Variants in IQSEC1 observed in about 807,000 individuals in gnomAD.
IQSEC1 encodes the protein IQ motif and SEC7 domain-containing protein 1.
IQSEC1 carries 31 observed loss-of-function variants against 91.0 expected under a neutral mutation model. The ratio of observed to expected loss-of-function variants is 0.34; its 90% CI spans 0.26 to 0.46. The LOEUF is 0.46. IQSEC1 is among the 20% of genes least tolerant of loss of function. The pLI is 1.00. For missense variants in IQSEC1, 1,388 were observed against 1,575.6 expected, an observed-to-expected ratio of 0.88 and a Z score of 2.02; for synonymous variants, 699 against 662.6, an observed-to-expected ratio of 1.05 and a Z score of -0.84.
rs534220207 is a variant in IQSEC1, at chr3:13,204,930, G to A, written c.273-40797C>T. ...ATTCTCCTGCCTCAGCCTCCCGAGCGGCTGGGATTACAGGCGCGCACCACC... is the reference window on the plus strand; with the variant it reads ...ATTCTCCTGCCTCAGCCTCCCGAGCAGCTGGGATTACAGGCGCGCACCACC... On this transcript the variant is annotated intron_variant, in intron 1 of 15. Coordinates refer to the IQSEC1 transcript ENST00000648114. Among the ~76,000 whole-genome samples, 28 of 151,326 alleles carry A rather than the reference G, an allele frequency of 1.9e-4. No homozygotes were observed. The East Asian group carries it at 5.1e-3, about 27-fold the overall frequency.
intron 1 of IQSEC1, among the ~76,000 whole-genome samples, chr3:13,041,534 T>C (rs550938416): frequency 6.6e-6 from 1 of 152,316 alleles, no homozygotes; most frequent in East Asian, 1.9e-4. Context: ...AATTCCCTCC[T>C]CCAGGTCTTT....
intron 1 of IQSEC1, among the ~76,000 whole-genome samples, chr3:13,215,922 C>G (rs958544680): frequency 6.6e-6 from 1 of 152,220 alleles, no homozygotes; most frequent in East Asian, 1.9e-4. Context: ...CCAGAGCAGA[C>G]CAGGCCCGGG....
At chr3:12,968,076 A>C (rs1381804304) in intron 1 of IQSEC1, among the ~76,000 whole-genome samples, 6 of 152,174 alleles carry the variant, frequency 3.9e-5, no homozygotes, top group Non-Finnish European at 2.9e-5. Flanking sequence ...CCCGGGAGCC[A>C]TGTCTTCCTC....
chr3:13,120,239 T>A (rs1706401587), intron 2 of IQSEC1, among the ~76,000 whole-genome samples: 1 of 152,158 alleles, frequency 6.6e-6, no homozygotes, highest in African/African-American at 2.4e-5. Context: ...TCACCCTCCT[T>A]ACTTCTCTGG....
chr3:12,998,802 G>A (rs538305027), intron 1 of IQSEC1, among the ~76,000 whole-genome samples: 46 of 152,196 alleles, frequency 3.0e-4, no homozygotes, highest in Non-Finnish European at 6.0e-4. Context: ...GTGAACTGTG[G>A]AGACAGTGGG....
intron 1 of IQSEC1, among the ~76,000 whole-genome samples, chr3:13,014,168 C>T (rs1028920597): frequency 1.3e-5 from 2 of 152,158 alleles, no homozygotes; most frequent in African/African-American, 4.8e-5. Context: ...GGCCAACAGC[C>T]CCTGGCTCAC....
chr3:13,140,605 T>C (rs1218270195), intron 2 of IQSEC1, among the ~76,000 whole-genome samples: 2 of 152,148 alleles, frequency 1.3e-5, no homozygotes, highest in Non-Finnish European at 2.9e-5. Flanking sequence ...ACAGAGCAGC[T>C]TGTGTTGCTA....
At chr3:12,986,365 G>C (rs554835101) in intron 1 of IQSEC1, among the ~76,000 whole-genome samples, 2 of 152,210 alleles carry the variant, frequency 1.3e-5, no homozygotes, top group Non-Finnish European at 1.5e-5. Flanking sequence ...AGTTCCCCGG[G>C]GGCCAGGAGC....
chr3:13,219,292 T>C (rs115898031), intron 1 of IQSEC1, among the ~76,000 whole-genome samples: 2,617 of 152,248 alleles, frequency 0.017, 64 homozygotes, highest in African/African-American at 0.059. Flanking sequence ...AAGCCGAAGG[T>C]CAGCGGACTC....
intron 2 of IQSEC1, among the ~76,000 whole-genome samples, chr3:13,085,655 G>A (rs555910173): frequency 1.3e-5 from 2 of 152,326 alleles, no homozygotes; most frequent in South Asian, 4.1e-4. Context: ...TTACAGGCTA[G>A]TGGTTGTGAC....
intron 9 of IQSEC1, among the ~76,000 whole-genome samples, chr3:12,911,936 C>T (rs886289738): frequency 6.6e-6 from 1 of 152,232 alleles, no homozygotes; most frequent in Admixed American, 6.5e-5. Flanking sequence ...GCAACAAAGC[C>T]CCACAACCTG....
At position 12,922,176 on chromosome 3, in the gene IQSEC1, C is replaced by T. The variant is rs202170507; in HGVS notation, c.1797G>A (p.Ala599=). The T allele has an allele frequency of 4.9e-5, 79 of 1,610,302 alleles. No homozygotes were observed. The highest frequency in any genetic ancestry group is 3.1e-4 in the East Asian group (14 of 44,586). ...ELDEALRKFQ[A]HIRVQGEAQK... Reference sequence around the variant, plus strand: ...GAGCCTCCCCTTGGACACGGATGTGCGCCTGGAATTTCCTGAGGGCCTCAT... The same window carrying T: ...GAGCCTCCCCTTGGACACGGATGTGTGCCTGGAATTTCCTGAGGGCCTCAT... The change falls in exon 5 of 14, where the codon GCG becomes GCA. Residue 599 remains alanine (A), a synonymous_variant. Coordinates refer to ENST00000613206, the MANE Select transcript of IQSEC1 (RefSeq NM_001134382.3). The surrounding 1 kb of genome is among the most constrained non-coding windows in gnomAD (Gnocchi z 5.1).
chr3:13,197,535 C>G (rs1420762047), intron 1 of IQSEC1, among the ~76,000 whole-genome samples: 1 of 152,242 alleles, frequency 6.6e-6, no homozygotes. Context: ...AAATGTCCCC[C>G]ACAGGCTGCA....
chr3:13,197,502 A>C (rs1008940012), intron 1 of IQSEC1, among the ~76,000 whole-genome samples: 2 of 152,158 alleles, frequency 1.3e-5, no homozygotes, highest in African/African-American at 4.8e-5. Context: ...ACTCTCCACA[A>C]GGCTACAGGG....
chr3:12,913,231 G>A (rs895262540), intron 9 of IQSEC1, among the ~76,000 whole-genome samples, 197 bp downstream of exon 9: 3 of 152,196 alleles, frequency 2.0e-5, no homozygotes, highest in Non-Finnish European at 4.4e-5. Context: ...TGGTACTAAA[G>A]CCAAAGATCT....
intron 1 of IQSEC1, among the ~76,000 whole-genome samples, chr3:13,205,442 C>T (rs1248205875): frequency 6.6e-6 from 1 of 152,040 alleles, no homozygotes; most frequent in Non-Finnish European, 1.5e-5. Flanking sequence ...ATCTGAGATG[C>T]TTCCGGACCA....
intron 1 of IQSEC1, among the ~76,000 whole-genome samples, chr3:13,255,528 G>C (rs545698414): frequency 1.3e-5 from 2 of 152,266 alleles, no homozygotes; most frequent in African/African-American, 2.4e-5. Flanking sequence ...AAAAAGTCTT[G>C]TATAATACAA....
At chr3:12,946,156 T>C (rs1043222484) in intron 1 of IQSEC1, among the ~76,000 whole-genome samples, 2 of 152,200 alleles carry the variant, frequency 1.3e-5, no homozygotes, top group African/African-American at 2.4e-5. Flanking sequence ...TAGGTGGGAC[T>C]TTTGGGTTAG....
At chr3:13,254,252 G>A (rs184689663) in intron 1 of IQSEC1, among the ~76,000 whole-genome samples, 13 of 152,340 alleles carry the variant, frequency 8.5e-5, no homozygotes, top group African/African-American at 2.9e-4. Context: ...AACCGAGCCC[G>A]CTCCCCATGG....
Sources: allele counts gnomAD v4.1 joint callset (sites outside exome capture counted in the v4.1 genomes callset), GRCh38; gene constraint gnomAD v4.1.1; non-coding constraint Gnocchi (gnomAD v3.1); transcripts MANE v1.5; gene names NCBI Gene and HGNC (gene_info 2026-07-23, HGNC 2026-07-21).